The following GUCY2C variants were observed in gnomAD, a reference collection of about 807,000 sequenced individuals.
The protein encoded by GUCY2C is guanylyl cyclase C.
A neutral mutation model predicts 131.1 loss-of-function variants in GUCY2C; 118 were observed. The ratio of observed to expected loss-of-function variants is 0.90; its 90% CI spans 0.78 to 1.05. The LOEUF (loss-of-function observed/expected upper bound fraction) is 1.05, where lower values mean the gene tolerates loss of function less well. Ranked by LOEUF, GUCY2C falls within the 50% of genes least tolerant of loss-of-function variation. The probability of loss-of-function intolerance (pLI) is 0.00; values close to 1 mark genes in which losing one functional copy is unlikely to be tolerated. For missense variants in GUCY2C, 1,161 were observed against 1,304.4 expected, an observed-to-expected ratio of 0.89 and a Z score of 1.69; for synonymous variants, 452 against 457.8, an observed-to-expected ratio of 0.99 and a Z score of 0.16.
chr12:14,639,199 G>A (rs758957992), intron 19 of GUCY2C, among the ~76,000 whole-genome samples: 3 of 151,224 alleles, frequency 2.0e-5, no homozygotes, highest in Non-Finnish European at 2.9e-5. Flanking sequence ...TCAGGAGGCC[G>A]AGGCAGGAGA....
At chr12:14,679,827 GAA>G in intron 5 of GUCY2C, 74 bp from the exon 6 acceptor site, 1 of 754,938 alleles carries the variant, frequency 1.3e-6, no homozygotes. Flanking sequence ...CCAGTTGCCT[GAA>G]TTTGAATCCA....
chr12:14,682,638 C>A (rs564881477), intron 4 of GUCY2C, among the ~76,000 whole-genome samples: 29 of 152,186 alleles, frequency 1.9e-4, no homozygotes, highest in African/African-American at 7.0e-4. Context: ...TTTTTTCTAA[C>A]TAATTGTAGG....
chr12:14,693,303 C>A (rs971203340), intron 1 of GUCY2C, among the ~76,000 whole-genome samples: 15 of 152,056 alleles, frequency 9.9e-5, no homozygotes, highest in African/African-American at 3.6e-4. Context: ...AGGAGTGGGA[C>A]CAGCTCAGCA....
chr12:14,625,940 C>T, intron 20 of GUCY2C, 25 bp from the exon 21 acceptor site: 1 of 1,399,058 alleles, frequency 7.1e-7, no homozygotes, highest in South Asian at 1.2e-5. Context: ...AGATAAAGAG[C>T]TCTTATATAT....
At chr12:14,679,612 C>T (rs1948306769) in intron 6 of GUCY2C, 45 bp downstream of exon 6, 1 of 940,754 alleles carries the variant, frequency 1.1e-6, no homozygotes, top group Non-Finnish European at 1.8e-6. Flanking sequence ...CCTTGGAATA[C>T]TTCCTTTTTG....
At chr12:14,690,485 A>T (rs932872838) in intron 1 of GUCY2C, among the ~76,000 whole-genome samples, 1 of 152,226 alleles carries the variant, frequency 6.6e-6, no homozygotes, top group Non-Finnish European at 1.5e-5. Flanking sequence ...GGTTCCTTCC[A>T]GTAAAAAATA....
In GUCY2C at chr12:14,683,253, C is replaced by T. The variant is rs769989363; in HGVS notation, c.400G>A (p.Asp134Asn). ...CTYSTFQMYL[D>N]TELSYPMISA... is the part of the protein sequence containing the mutation. ...ATCATGGGGTAGCTCAATTCTGTGT[C>T]AAGGCTATGTCAAGAGGTTGAGGAA... The change falls in exon 4 of 27, where the codon GAC (aspartate) becomes AAC (asparagine). Residue 134 changes from aspartate to asparagine, a missense_variant. Transcript: ENST00000261170. The T allele has an allele frequency of 1.2e-6, 2 of 1,608,420 alleles. No individual in the cohort carries two copies.
intron 19 of GUCY2C, among the ~76,000 whole-genome samples, chr12:14,631,755 AT>A (rs1947151641): frequency 6.7e-6 from 1 of 149,184 alleles, no homozygotes; most frequent in Non-Finnish European, 1.5e-5. Context: ...CAGTAATGGG[AT>A]GGCTGGGTCA....
rs74433882 is a variant in GUCY2C at position 14,633,143 on chromosome 12, G to A, written c.2158-4406C>T. Among the ~76,000 whole-genome samples the A allele has an allele frequency of 5.5e-3, 839 of 152,184 alleles. 2 individuals are homozygous for A. Among genetic ancestry groups the A allele is most frequent in the African/African-American group, 0.018 (738 of 41,512 alleles). The stretch of plus-strand genomic sequence containing the variant: ...TGATCTGCCTAGACCCACTAACGCT[G>A]GTACCAGATAAGCTGTCCTGGGGCC... On this transcript the variant is annotated intron_variant, in intron 19 of 26. Coordinates refer to ENST00000261170, the MANE Select transcript of GUCY2C (RefSeq NM_004963.4).
In GUCY2C at chr12:14,613,329, G is replaced by A; in HGVS notation, c.3048-38C>T. The A allele has an allele frequency of 6.8e-7, 1 of 1,478,424 alleles. No homozygotes were observed. The highest frequency in any genetic ancestry group is 9.5e-7 in the Non-Finnish European group (1 of 1,057,368). 91.6% of individuals were successfully genotyped at this position (1,478,424 alleles called of 1,614,324 possible). A position where few individuals can be genotyped will look rare whatever the true frequency, so the allele number is the denominator to read the frequency against. On this transcript the variant is annotated intron_variant, in intron 26 of 26. Transcript: ENST00000261170. The surrounding 1 kb of genome is among the most constrained non-coding windows in gnomAD (Gnocchi z 4.9). ...TGGGAAGAGAAAATAGAACTTCTCAGCAATTCATACAGAATATTCCTTAGC... is the reference window on the plus strand; with the variant it reads ...TGGGAAGAGAAAATAGAACTTCTCAACAATTCATACAGAATATTCCTTAGC...
chr12:14,634,926 A>T (rs1947230734), intron 19 of GUCY2C, among the ~76,000 whole-genome samples: 1 of 152,208 alleles, frequency 6.6e-6, no homozygotes, highest in Admixed American at 6.5e-5. Context: ...AACAATTCTA[A>T]ACATATACAC....
Position 14,656,613 on chromosome 12 carries a change from A to G in GUCY2C, c.1369T>C (p.Tyr457His), listed in dbSNP as rs374173753. 4.7e-6 allele frequency: 7 copies of G among 1,493,700 alleles called. No individual in the cohort carries two copies. Among genetic ancestry groups the G allele is most frequent in the South Asian group, 3.4e-5 (3 of 88,404 alleles). The allele number at this position is 1,493,700 out of a possible 1,614,324, so 92.5% of individuals were successfully genotyped here. Residue 457 changes from tyrosine (Y) to histidine (H), a missense_variant, in exon 12 of 27, where the codon TAT becomes CAT. Transcript: ENST00000261170. ...LLVALLMLRKYRKDYELRQKK... is the reference protein window; with the variant it reads ...LLVALLMLRKHRKDYELRQKK... Reference sequence around the variant, plus strand: ...TGACGAAGTTCATAATCTTTTCTATATTTTCTGTGAAAGGAATAAAACTGG... The same window carrying G: ...TGACGAAGTTCATAATCTTTTCTATGTTTTCTGTGAAAGGAATAAAACTGG...
At position 14,614,953 on chromosome 12, in the gene GUCY2C, C is replaced by T. The variant is rs751802716; in HGVS notation, c.2971-10G>A. Reference sequence around the variant, plus strand: ...TCTCATTTCCTCTTCCCTGGTAAGACAAAAGAGTTACGTACCACGGAGTCC... The same window carrying T: ...TCTCATTTCCTCTTCCCTGGTAAGATAAAAGAGTTACGTACCACGGAGTCC... On this transcript the variant is annotated splice_polypyrimidine_tract_variant and intron_variant, in intron 25 of 26. Coordinates refer to ENST00000261170, the MANE Select transcript of GUCY2C (RefSeq NM_004963.4). The T allele has an allele frequency of 8.5e-6, 13 of 1,528,284 alleles. No individual in the cohort carries two copies. Among genetic ancestry groups the T allele is most frequent in the South Asian group, 2.4e-5 (2 of 82,934 alleles). The allele number at this position is 1,528,284 out of a possible 1,614,324, so 94.7% of individuals were successfully genotyped here.
chr12:14,615,298 C>A (rs1946736161), intron 25 of GUCY2C, among the ~76,000 whole-genome samples: 1 of 152,048 alleles, frequency 6.6e-6, no homozygotes, highest in Non-Finnish European at 1.5e-5. Context: ...GTCAACAAAT[C>A]CAACTGGTTG....
intron 1 of GUCY2C, 67 bp downstream of exon 1, chr12:14,696,165 G>T (rs1948651376): frequency 2.4e-6 from 3 of 1,271,956 alleles, no homozygotes; most frequent in Non-Finnish European, 3.4e-6. Flanking sequence ...CAAGGTCTTT[G>T]CTTAGCAACA....
intron 18 of GUCY2C, 128 bp from the exon 19 acceptor site, chr12:14,640,078 C>CG (rs1947361696): frequency 3.0e-6 from 2 of 664,494 alleles, no homozygotes; most frequent in Admixed American, 4.7e-5. Flanking sequence ...TGCTGCAGAG[C>CG]CTAGACCAGC....
intron 10 of GUCY2C, among the ~76,000 whole-genome samples, chr12:14,662,620 G>A (rs1414268922): frequency 3.4e-5 from 5 of 146,498 alleles, no homozygotes; most frequent in Non-Finnish European, 7.4e-5. Context: ...AGGTTGTAGT[G>A]AGCCAAGATT....
chr12:14,645,159 G>A (rs754657183), intron 16 of GUCY2C, 70 bp downstream of exon 16: 3 of 832,464 alleles, frequency 3.6e-6, no homozygotes, highest in Non-Finnish European at 6.0e-6. Context: ...TGCACAGAAG[G>A]TTGAATAACT....
At chr12:14,653,140 G>T in intron 12 of GUCY2C, 126 bp from the exon 13 acceptor site, 1 of 773,684 alleles carries the variant, frequency 1.3e-6, no homozygotes. Context: ...TGGGCAAGCA[G>T]GCTTCCAGAA....
Sources: allele counts gnomAD v4.1 joint callset (sites outside exome capture counted in the v4.1 genomes callset), GRCh38; gene constraint gnomAD v4.1.1; non-coding constraint Gnocchi (gnomAD v3.1); transcripts MANE v1.5; gene names NCBI Gene and HGNC (gene_info 2026-07-23, HGNC 2026-07-21).